PCGF5: variants seen among roughly 807,000 people sequenced by gnomAD.
The protein encoded by PCGF5 is polycomb group RING finger protein 5.
PCGF5 carries 9 observed loss-of-function variants against 44.3 expected under a neutral mutation model. That is an observed-to-expected ratio of 0.20 (90% CI 0.12 to 0.35). PCGF5 has a LOEUF of 0.35. Among genes scored for constraint, PCGF5 ranks in the 10% least tolerant of loss-of-function variants. The pLI, the probability that PCGF5 is intolerant of heterozygous loss-of-function variation, is 1.00. For synonymous variants in PCGF5, 95 were observed against 102.5 expected, an observed-to-expected ratio of 0.93 and a Z score of 0.44; for missense variants, 146 against 305.3, an observed-to-expected ratio of 0.48 and a Z score of 3.89.
intron 1 of PCGF5, among the ~76,000 whole-genome samples, chr10:91,171,577 C>T (rs1843606185): frequency 6.6e-6 from 1 of 152,028 alleles, no homozygotes; most frequent in Admixed American, 6.6e-5. Context: ...TCCATATGGG[C>T]CCTTGGTTGA....
At position 91,260,622 on chromosome 10, in the gene PCGF5, A is replaced by G. The variant is rs1270033582; in HGVS notation, c.475-704A>G. On this transcript the variant is annotated intron_variant, in intron 6 of 9. Transcript: ENST00000336126. Reference sequence around the variant, plus strand: ...TGGCACATATACACCATGGAATACTATGCAGCCATAAAAAATGATGTGTTC... The same window carrying G: ...TGGCACATATACACCATGGAATACTGTGCAGCCATAAAAAATGATGTGTTC... Among the ~76,000 whole-genome samples the G allele has an allele frequency of 6.6e-5, 10 of 152,300 alleles. No individual in the cohort carries two copies. In the South Asian group the frequency reaches 1.7e-3, roughly 25 times the overall value.
chr10:91,186,023 C>A (rs77061487), intron 1 of PCGF5, among the ~76,000 whole-genome samples: 14 of 152,136 alleles, frequency 9.2e-5, no homozygotes, highest in African/African-American at 3.4e-4. Flanking sequence ...CCATCTTGGT[C>A]GCTCCCTGCT....
chr10:91,217,818 C>T (rs1290376069), upstream of PCGF5, among the ~76,000 whole-genome samples: 1 of 152,152 alleles, frequency 6.6e-6, no homozygotes, highest in Non-Finnish European at 1.5e-5. Flanking sequence ...CATAGTCTCG[C>T]TCTTGTGCCC....
intron 1 of PCGF5, among the ~76,000 whole-genome samples, chr10:91,164,778 T>C (rs61857952): frequency 0.068 from 10,375 of 152,284 alleles, 447 homozygotes; most frequent in Non-Finnish European, 0.1. Context: ...AGCCAGGCCT[T>C]CTTGATCGCC....
intron 2 of PCGF5, among the ~76,000 whole-genome samples, chr10:91,235,694 C>T (rs755349545): frequency 5.9e-5 from 9 of 152,136 alleles, no homozygotes; most frequent in Admixed American, 1.3e-4. Context: ...GTCTTTCTCA[C>T]GCTGTTTTCT....
chr10:91,235,690 C>G (rs944612501), intron 2 of PCGF5, among the ~76,000 whole-genome samples: 2 of 152,126 alleles, frequency 1.3e-5, no homozygotes, highest in Non-Finnish European at 2.9e-5. Flanking sequence ...GCGGGTCTTT[C>G]TCACGCTGTT....
intron 1 of PCGF5, among the ~76,000 whole-genome samples, chr10:91,201,408 A>C (rs1246773331): frequency 6.6e-6 from 1 of 152,204 alleles, no homozygotes; most frequent in Admixed American, 6.5e-5. Context: ...AATGCCATCA[A>C]CGTATGAATT....
At chr10:91,214,746 A>G (rs1844511860) in intron 1 of PCGF5, among the ~76,000 whole-genome samples, 1 of 152,232 alleles carries the variant, frequency 6.6e-6, no homozygotes, top group South Asian at 2.1e-4. Context: ...CAGAACAGGG[A>G]GAAAGTTAAT....
chr10:91,162,253 T>C (rs1360856150), upstream of PCGF5, among the ~76,000 whole-genome samples: 9 of 127,044 alleles, frequency 7.1e-5, no homozygotes, highest in African/African-American at 2.5e-4. Context: ...CCATGGTGAG[T>C]CACTGGAGGA....
chr10:91,213,799 A>C (rs1312020885), intron 1 of PCGF5, among the ~76,000 whole-genome samples: 2 of 152,058 alleles, frequency 1.3e-5, no homozygotes, highest in African/African-American at 4.8e-5. Flanking sequence ...CATTATTTTA[A>C]TGTGCCACAT....
upstream of PCGF5, among the ~76,000 whole-genome samples, chr10:91,158,749 T>A (rs568045314): frequency 6.6e-6 from 1 of 152,334 alleles, no homozygotes; most frequent in African/African-American, 2.4e-5. Context: ...TTGGTCCCAG[T>A]GAATCCCCCT....
chr10:91,247,312 A>C (rs1354339273), intron 3 of PCGF5, among the ~76,000 whole-genome samples: 1 of 152,176 alleles, frequency 6.6e-6, no homozygotes, highest in Non-Finnish European at 1.5e-5. Context: ...TTTAATTCTA[A>C]AAATTTTAAA....
chr10:91,246,926 A>C (rs1345385478), intron 3 of PCGF5, among the ~76,000 whole-genome samples: 1 of 151,938 alleles, frequency 6.6e-6, no homozygotes, highest in Admixed American at 6.6e-5. Context: ...ATCAGCAGAG[A>C]TGTGATATAT....
chr10:91,177,965 T>C (rs1474480314), intron 1 of PCGF5, among the ~76,000 whole-genome samples: 3 of 152,160 alleles, frequency 2.0e-5, no homozygotes, highest in Non-Finnish European at 4.4e-5. Context: ...ACCCGGTACC[T>C]CAGTTGGAAA....
At chr10:91,171,454 A>G (rs575223385) in intron 1 of PCGF5, among the ~76,000 whole-genome samples, 6 of 152,350 alleles carry the variant, frequency 3.9e-5, no homozygotes, top group South Asian at 2.1e-4. Flanking sequence ...ACAAGTTGCT[A>G]GAAGGCCTTA....
intron 8 of PCGF5, among the ~76,000 whole-genome samples, chr10:91,269,041 G>C (rs560273097): frequency 6.6e-6 from 1 of 152,146 alleles, no homozygotes; most frequent in African/African-American, 2.4e-5. Context: ...TGCAAATTCA[G>C]ATCATCTCAG....
chr10:91,270,380 G>GA (rs11400268), intron 8 of PCGF5, among the ~76,000 whole-genome samples: 118,341 of 147,892 alleles, frequency 0.8, 47,897 homozygotes, highest in African/African-American at 0.93. Flanking sequence ...GAGATCAATA[G>GA]AAAAAAAAAA....
chr10:91,188,280 G>T (rs1173780556), intron 1 of PCGF5, among the ~76,000 whole-genome samples: 2 of 152,174 alleles, frequency 1.3e-5, no homozygotes, highest in Non-Finnish European at 2.9e-5. Flanking sequence ...AAGCGCAAGG[G>T]GTCAGGGAGT....
At chr10:91,238,628 T>TCTTTCTTTC (rs1564645094) in intron 2 of PCGF5, among the ~76,000 whole-genome samples, 2 of 126,578 alleles carry the variant, frequency 1.6e-5, no homozygotes, top group African/African-American at 5.5e-5. Flanking sequence ...TTTTTTTTTT[T>TCTTTCTTTC]TTTGCCTCTT....
Sources: gnomAD v4.1 joint callset for allele counts (sites outside exome capture counted in the v4.1 genomes callset) on GRCh38, gnomAD v4.1.1 for gene constraint, MANE v1.5 for transcripts, NCBI Gene and HGNC (gene_info 2026-07-23, HGNC 2026-07-21) for gene names.